Variants in PRKRIP1 observed in about 807,000 individuals in gnomAD.
PRKRIP1 encodes PRKR-interacting protein 1.
Under a neutral mutation model 29.3 loss-of-function variants are expected in PRKRIP1, and 29 were observed. The observed-to-expected ratio is 0.99, with a 90% CI of 0.74 to 1.35. The LOEUF (loss-of-function observed/expected upper bound fraction) is 1.35. PRKRIP1 is among the 40% of genes most tolerant of loss of function. The pLI is 0.00. For missense variants in PRKRIP1, 247 were observed against 236.8 expected, an observed-to-expected ratio of 1.04 and a Z score of -0.28; for synonymous variants, 90 against 85.1, an observed-to-expected ratio of 1.06 and a Z score of -0.32.
chr7:102,407,882 A>G (rs148795420), intron 5 of PRKRIP1, among the ~76,000 whole-genome samples: 2 of 152,274 alleles, frequency 1.3e-5, no homozygotes, highest in African/African-American at 4.8e-5. Flanking sequence ...CCAGGAGGGA[A>G]AATTGAGAGG....
At chr7:102,415,355 G>A (rs1796505917) in intron 5 of PRKRIP1, among the ~76,000 whole-genome samples, 1 of 152,168 alleles carries the variant, frequency 6.6e-6, no homozygotes, top group African/African-American at 2.4e-5. Flanking sequence ...TCCCACTTCA[G>A]CCTCCCAAGT....
chr7:102,406,870 CAAA>C (rs113919351), intron 4 of PRKRIP1, among the ~76,000 whole-genome samples: 8 of 97,742 alleles, frequency 8.2e-5, no homozygotes, highest in Non-Finnish European at 1.1e-4. Flanking sequence ...AAGTCATTAG[CAAA>C]AAAAAAAAAA....
intron 2 of PRKRIP1, among the ~76,000 whole-genome samples, chr7:102,398,176 T>C (rs1287928404): frequency 6.6e-6 from 1 of 152,256 alleles, no homozygotes; most frequent in Non-Finnish European, 1.5e-5. Context: ...TGCTTTTATT[T>C]GTTTTTCATT....
chr7:102,423,215 A>G (rs1796744294), intron 5 of PRKRIP1: 6 of 432,654 alleles, frequency 1.4e-5, no homozygotes, highest in South Asian at 8.0e-5. Context: ...CCTGGGTTCA[A>G]GTGATTCTCC....
intron 5 of PRKRIP1, among the ~76,000 whole-genome samples, chr7:102,421,341 C>T (rs560401893): frequency 1.3e-5 from 2 of 149,164 alleles, no homozygotes; most frequent in East Asian, 2.0e-4. Context: ...CCCAGGAGTT[C>T]GAGACCAGCC....
At chr7:102,411,814 T>G (rs558279353) in intron 5 of PRKRIP1, among the ~76,000 whole-genome samples, 8,021 of 144,414 alleles carry the variant, frequency 0.056, 639 homozygotes, top group African/African-American at 0.19. Context: ...CTGTTTTTTT[T>G]TTTGTTTGTT....
At chr7:102,404,351 A>C (rs913806210) in intron 3 of PRKRIP1, 1 of 424,490 alleles carries the variant, frequency 2.4e-6, no homozygotes, top group Non-Finnish European at 4.4e-6. Flanking sequence ...TGTCTCCTAT[A>C]TTGTGCTATG....
At chr7:102,400,348 T>C (rs1212979932) in intron 3 of PRKRIP1, among the ~76,000 whole-genome samples, 1 of 152,070 alleles carries the variant, frequency 6.6e-6, no homozygotes, top group East Asian at 1.9e-4. Flanking sequence ...GAAATAATCA[T>C]AAAATATTGT....
At chr7:102,418,673 A>G (rs530271864) in intron 5 of PRKRIP1, among the ~76,000 whole-genome samples, 1 of 152,142 alleles carries the variant, frequency 6.6e-6, no homozygotes, top group Admixed American at 6.5e-5. Flanking sequence ...ACCACCATCC[A>G]CTAGCCATTT....
chr7:102,410,126 C>T (rs28878275), intron 5 of PRKRIP1, among the ~76,000 whole-genome samples: 3,357 of 152,222 alleles, frequency 0.022, 142 homozygotes, highest in African/African-American at 0.077. Flanking sequence ...AACCCCCTGG[C>T]AGGCAGTCTG....
intron 3 of PRKRIP1, among the ~76,000 whole-genome samples, chr7:102,403,344 G>A (rs1048771905): frequency 1.3e-5 from 2 of 152,298 alleles, no homozygotes; most frequent in South Asian, 2.1e-4. Flanking sequence ...AAGCAGATGC[G>A]TACAGCCCTG....
chr7:102,397,016 T>G (rs1554570484), intron 1 of PRKRIP1, among the ~76,000 whole-genome samples: 1 of 151,932 alleles, frequency 6.6e-6, no homozygotes, highest in Non-Finnish European at 1.5e-5. Context: ...TAGAAAAGCT[T>G]GACTCTTCTT....
At chr7:102,397,495 C>T in intron 1 of PRKRIP1, 125 bp from the exon 2 acceptor site, 1 of 722,710 alleles carries the variant, frequency 1.4e-6, no homozygotes, top group South Asian at 1.8e-5. Context: ...GCAGTGAGCT[C>T]TGATTGCACC....
intron 3 of PRKRIP1, among the ~76,000 whole-genome samples, chr7:102,400,415 C>T (rs1366751498): frequency 1.3e-5 from 2 of 152,062 alleles, no homozygotes; most frequent in Non-Finnish European, 2.9e-5. Flanking sequence ...TGGGATGAAT[C>T]TTTAAACATG....
intron 5 of PRKRIP1, chr7:102,423,222 C>T (rs1438202379): frequency 2.3e-6 from 1 of 427,986 alleles, no homozygotes; most frequent in Non-Finnish European, 4.7e-6. Context: ...TCAAGTGATT[C>T]TCCTGCCTCA....
chr7:102,408,892 G>T (rs1461095537), intron 5 of PRKRIP1, among the ~76,000 whole-genome samples: 2 of 151,882 alleles, frequency 1.3e-5, no homozygotes, highest in African/African-American at 4.8e-5. Flanking sequence ...AAATAAAACA[G>T]GCCAGGCGTG....
chr7:102,426,247 CGATGAT>C lies in PRKRIP1; in HGVS notation c.*1142_*1147del, dbSNP rs1269914413. The C allele has an allele frequency of 6.6e-6, 1 of 152,378 alleles. No homozygotes were observed. Among genetic ancestry groups the C allele is most frequent in the Non-Finnish European group, 1.5e-5 (1 of 68,094 alleles). The allele number at this position is 152,378 out of a possible 1,614,324, so 9.4% of individuals were successfully genotyped here. A position where few individuals can be genotyped will look rare whatever the true frequency, so the allele number is the denominator to read the frequency against. On this transcript the variant is annotated 3_prime_UTR_variant, in exon 6 of 6. Transcript: ENST00000397912. ...GAGCGAGACCCTGTCTCTTAAAAAA[CGATGAT>C]GATGAACACAGAGGACGGGGCACTG...
chr7:102,423,506 C>G, intron 5 of PRKRIP1: 1 of 220,910 alleles, frequency 4.5e-6, no homozygotes, highest in Non-Finnish European at 9.5e-6. Context: ...AATAGGAGAT[C>G]TCGAGCAGCA....
At position 102,425,195 on chromosome 7, in the gene PRKRIP1, G is replaced by C. The variant is rs3747529; in HGVS notation, c.*84G>C. 1.5e-5 allele frequency: 23 copies of C among 1,535,620 alleles called. No individual in the cohort carries two copies. Among genetic ancestry groups the C allele is most frequent in the Non-Finnish European group, 2.0e-5 (23 of 1,145,818 alleles). ...GCGGCTGTTTGGCTCTTTCTCCCCCGCAAGGACCCGCTGACCCGCTGGATG... is the reference window on the plus strand; with the variant it reads ...GCGGCTGTTTGGCTCTTTCTCCCCCCCAAGGACCCGCTGACCCGCTGGATG... On this transcript the variant is annotated 3_prime_UTR_variant, in exon 6 of 6. Coordinates refer to ENST00000397912, the MANE Select transcript of PRKRIP1 (RefSeq NM_024653.4).
Sources: gnomAD v4.1 joint callset for allele counts (sites outside exome capture counted in the v4.1 genomes callset) on GRCh38, gnomAD v4.1.1 for gene constraint, MANE v1.5 for transcripts, NCBI Gene and HGNC (gene_info 2026-07-23, HGNC 2026-07-21) for gene names.